EVA1A: variants seen among roughly 807,000 people sequenced by gnomAD.
EVA1A encodes the protein eva-1 homolog A, regulator of programmed cell death.
Under a neutral mutation model 9.8 loss-of-function variants are expected in EVA1A, and 7 were observed. The ratio of observed to expected loss-of-function variants is 0.71; its 90% CI spans 0.41 to 1.34. EVA1A has a LOEUF of 1.34. Among genes scored for constraint, EVA1A ranks in the 40% most tolerant of loss-of-function variants. EVA1A has a pLI of 0.01. For synonymous variants in EVA1A, 90 were observed against 85.6 expected, an observed-to-expected ratio of 1.05 and a Z score of -0.28; for missense variants, 206 against 205.9, an observed-to-expected ratio of 1.00 and a Z score of 0.00.
rs534940896 is a variant in EVA1A at position 75,539,201 on chromosome 2, AG to A, written c.-191-16715del. 2.8e-4 allele frequency among the ~76,000 whole-genome samples: 42 copies of A among 152,352 alleles called. 1 individual carries two copies. The South Asian group carries it at 8.3e-3, about 30-fold the overall frequency. The stretch of plus-strand genomic sequence containing the variant: ...TAGGGGAAATATCCTCTTTCTCATG[AG>A]GAACAGCTGAAGGGATAGAAAATGT... On this transcript the variant is annotated intron_variant, in intron 1 of 3. Coordinates refer to ENST00000393913, the MANE Select transcript of EVA1A (RefSeq NM_001135032.2).
chr2:75,546,489 T>C (rs1164706668), intron 1 of EVA1A, among the ~76,000 whole-genome samples: 1 of 152,100 alleles, frequency 6.6e-6, no homozygotes, highest in East Asian at 1.9e-4. Context: ...CCATCTGAAC[T>C]GTAGTAATAA....
intron 1 of EVA1A, among the ~76,000 whole-genome samples, chr2:75,553,356 C>T (rs1676592025): frequency 6.6e-6 from 1 of 152,230 alleles, no homozygotes; most frequent in Non-Finnish European, 1.5e-5. Flanking sequence ...GGCCAGTTTA[C>T]AGTAGGCTCT....
At chr2:75,509,772 T>C (rs766462990) in intron 3 of EVA1A, among the ~76,000 whole-genome samples, 8 of 152,232 alleles carry the variant, frequency 5.3e-5, no homozygotes, top group Non-Finnish European at 1.2e-4. Context: ...TTTGAGGTAA[T>C]CTCTATGCAT....
chr2:75,537,539 G>T (rs1009406400), intron 1 of EVA1A, among the ~76,000 whole-genome samples: 1 of 152,130 alleles, frequency 6.6e-6, no homozygotes, highest in Non-Finnish European at 1.5e-5. Flanking sequence ...CTATTTGCAG[G>T]TGATATGGCT....
intron 1 of EVA1A, among the ~76,000 whole-genome samples, chr2:75,554,285 C>G (rs1048070037): frequency 6.6e-6 from 1 of 152,176 alleles, no homozygotes; most frequent in Admixed American, 6.5e-5. Context: ...TGCTTCTCTA[C>G]TAAGCAGCAT....
At chr2:75,566,091 C>A (rs1677021734) in intron 1 of EVA1A, among the ~76,000 whole-genome samples, 1 of 152,112 alleles carries the variant, frequency 6.6e-6, no homozygotes, top group African/African-American at 2.4e-5. Context: ...AGTCATTAAC[C>A]AAGTGGCATT....
intron 3 of EVA1A, among the ~76,000 whole-genome samples, chr2:75,509,850 A>G (rs1428349977): frequency 6.6e-6 from 1 of 152,114 alleles, no homozygotes; most frequent in East Asian, 1.9e-4. Flanking sequence ...CTGATTTGTC[A>G]AAAAGGTACA....
Position 75,493,315 on chromosome 2 carries a change from CGCTCCTCCAGCCGCTGGGCGCGCTCCA to C in EVA1A, c.353_379del (p.Leu118_Glu126del), listed in dbSNP as rs749557372. On this transcript the variant is annotated inframe_deletion, in exon 4 of 4. Transcript: ENST00000393913. ...CCAGATCTCCCTGATGATGCGCTCGCGCTCCTCCAGCCGCTGGGCGCGCTCCAGCTCCTCCGCAGAGGTGAACACATT... is the reference window on the plus strand; with the variant it reads ...CCAGATCTCCCTGATGATGCGCTCGCGCTCCTCCGCAGAGGTGAACACATT... 2 of 1,614,136 alleles carry C rather than the reference CGCTCCTCCAGCCGCTGGGCGCGCTCCA, an allele frequency of 1.2e-6. No homozygotes were observed. Among genetic ancestry groups the C allele is most frequent in the East Asian group, 4.5e-5 (2 of 44,880 alleles).
intron 1 of EVA1A, among the ~76,000 whole-genome samples, chr2:75,554,901 A>T (rs996951255): frequency 6.6e-6 from 1 of 152,146 alleles, no homozygotes; most frequent in Non-Finnish European, 1.5e-5. Context: ...CATGGCACTA[A>T]TCCACCACAC....
intron 1 of EVA1A, among the ~76,000 whole-genome samples, chr2:75,538,160 T>C (rs1675984733): frequency 6.6e-6 from 1 of 152,060 alleles, no homozygotes; most frequent in African/African-American, 2.4e-5. Context: ...CATGGTGGCA[T>C]GTGCCTGTAG....
rs1296905458 is a variant in EVA1A, at chr2:75,550,936, G to A, written c.-192+9744C>T. 3.3e-5 allele frequency among the ~76,000 whole-genome samples: 5 copies of A among 152,140 alleles called. No homozygotes were observed. The South Asian group carries it at 6.2e-4, about 19-fold the overall frequency. ...CAGGAGTTCGAGACCAGCCTGGCCA[G>A]CATGGTGAAATGCTGTCTTTACTAA... On this transcript the variant is annotated intron_variant, in intron 1 of 3. Transcript: ENST00000393913.
chr2:75,535,295 CAA>C (rs3081156), intron 1 of EVA1A, among the ~76,000 whole-genome samples: 38 of 92,462 alleles, frequency 4.1e-4, no homozygotes, highest in African/African-American at 7.4e-4. Context: ...ATAGATATGG[CAA>C]AAAAAAAAAA....
intron 1 of EVA1A, among the ~76,000 whole-genome samples, chr2:75,545,872 G>A (rs537342128): frequency 6.6e-6 from 1 of 152,262 alleles, no homozygotes; most frequent in East Asian, 1.9e-4. Context: ...TAGCTTCCTG[G>A]AAGAGGTACC....
At chr2:75,555,017 A>T (rs1676652058) in intron 1 of EVA1A, among the ~76,000 whole-genome samples, 2 of 152,134 alleles carry the variant, frequency 1.3e-5, no homozygotes, top group South Asian at 4.1e-4. Flanking sequence ...TCTATCACTT[A>T]CTAAGTGCCT....
intron 1 of EVA1A, among the ~76,000 whole-genome samples, chr2:75,531,600 T>C (rs1361650803): frequency 1.3e-5 from 2 of 152,116 alleles, no homozygotes; most frequent in South Asian, 2.1e-4. Context: ...AAAGAAATAA[T>C]GGCATTCTTA....
intron 3 of EVA1A, among the ~76,000 whole-genome samples, chr2:75,496,826 G>A (rs1015122426): frequency 6.6e-6 from 1 of 152,108 alleles, no homozygotes. Context: ...TATGGTAGTG[G>A]TACAAAAACC....
At chr2:75,564,170 G>A (rs973638666), upstream of EVA1A, among the ~76,000 whole-genome samples, 9 of 152,216 alleles carry the variant, frequency 5.9e-5, no homozygotes, top group Non-Finnish European at 1.3e-4. Context: ...GGGTCTGCTG[G>A]ATAGACCTTC....
intron 1 of EVA1A, among the ~76,000 whole-genome samples, chr2:75,547,075 C>A (rs1481410520): frequency 6.6e-6 from 1 of 152,152 alleles, no homozygotes; most frequent in East Asian, 1.9e-4. Context: ...TTCTAAGCCA[C>A]CCAATTTGTG....
Position 75,493,118 on chromosome 2 carries a change from GC to G in EVA1A, c.*117del. ...CCTGGCTAGAAAAGGGGCATGTCCT[GC>G]TTTTTCTCTGAAATCACAATATTAG... On this transcript the variant is annotated 3_prime_UTR_variant, in exon 4 of 4. Transcript: ENST00000393913. 2.1e-6 allele frequency: 3 copies of G among 1,418,274 alleles called. No homozygotes were observed. The South Asian group carries it at 4.2e-5, about 20-fold the overall frequency. 87.9% of individuals were successfully genotyped at this position (1,418,274 alleles called of 1,614,324 possible).
Sources: gnomAD v4.1 joint callset for allele counts (sites outside exome capture counted in the v4.1 genomes callset) on GRCh38, gnomAD v4.1.1 for gene constraint, MANE v1.5 for transcripts, NCBI Gene and HGNC (gene_info 2026-07-23, HGNC 2026-07-21) for gene names.